Variants in DHRS3 observed in about 807,000 individuals in gnomAD.
DHRS3 encodes short-chain dehydrogenase/reductase 3.
A neutral mutation model predicts 27.2 loss-of-function variants in DHRS3; 14 were observed. The ratio of observed to expected loss-of-function variants is 0.52; its 90% CI spans 0.34 to 0.81. The LOEUF is 0.81. Ranked by LOEUF, DHRS3 falls within the 30% of genes least tolerant of loss-of-function variation. The probability of loss-of-function intolerance (pLI) is 0.01; values close to 1 mark genes in which losing one functional copy is unlikely to be tolerated. For missense variants in DHRS3, 322 were observed against 406.2 expected (o/e 0.79, Z 1.78); for synonymous variants, 165 against 175.9 (o/e 0.94, Z 0.49).
At chr1:12,615,651 A>G (rs1646939642) in intron 1 of DHRS3, among the ~76,000 whole-genome samples, 1 of 152,184 alleles carries the variant, frequency 6.6e-6, no homozygotes, top group Non-Finnish European at 1.5e-5. Flanking sequence ...TGGGATGCAG[A>G]CAGCTAAAGA....
intron 1 of DHRS3, among the ~76,000 whole-genome samples, chr1:12,581,560 C>T (rs577408989): frequency 3.9e-5 from 6 of 152,284 alleles, no homozygotes; most frequent in Non-Finnish European, 5.9e-5. Context: ...GGACTCATTA[C>T]GCCAGAAGGT....
chr1:12,613,060 CAAA>C (rs78142592), intron 1 of DHRS3, among the ~76,000 whole-genome samples: 1 of 121,376 alleles, frequency 8.2e-6, no homozygotes, highest in Non-Finnish European at 1.8e-5. Flanking sequence ...AACTCTGTTT[CAAA>C]AAAAAAAAAA....
chr1:12,575,327 A>C (rs1646576368), intron 4 of DHRS3, among the ~76,000 whole-genome samples: 1 of 149,254 alleles, frequency 6.7e-6, no homozygotes, highest in African/African-American at 2.5e-5. Flanking sequence ...ACTTTGTATC[A>C]AAAGAAAAAA....
In DHRS3 at chr1:12,617,518, A is replaced by C; in HGVS notation, c.-170T>G. 1 of 321,946 alleles carries C rather than the reference A, an allele frequency of 3.1e-6. No individual in the cohort carries two copies. Among genetic ancestry groups the C allele is most frequent in the Non-Finnish European group, 5.3e-6 (1 of 188,298 alleles). 19.9% of individuals were successfully genotyped at this position (321,946 alleles called of 1,614,324 possible). On this transcript the variant is annotated 5_prime_UTR_variant, in exon 1 of 6. Transcript: ENST00000616661. The stretch of plus-strand genomic sequence containing the variant: ...CAAATGCAAAGCACCGGGTGAGAAA[A>C]AGAAAAAAAAAAAAAAAAAAAAGAT...
intron 1 of DHRS3, chr1:12,616,630 C>T (rs1000416375): frequency 3.5e-5 from 35 of 991,374 alleles, no homozygotes; most frequent in South Asian, 4.6e-5. Flanking sequence ...CTACTGCATA[C>T]AAGACCGCTC....
chr1:12,606,405 A>C (rs1209131710), intron 1 of DHRS3, among the ~76,000 whole-genome samples: 1 of 151,784 alleles, frequency 6.6e-6, no homozygotes, highest in Non-Finnish European at 1.5e-5. Flanking sequence ...CAAACTTTCC[A>C]CTTGATGGGC....
chr1:12,583,850 C>T (rs1646669280), intron 1 of DHRS3, among the ~76,000 whole-genome samples: 1 of 151,962 alleles, frequency 6.6e-6, no homozygotes, highest in East Asian at 1.9e-4. Context: ...CACTCACCTA[C>T]TCCACTTCAT....
chr1:12,601,836 G>A (rs1646837862), intron 1 of DHRS3, among the ~76,000 whole-genome samples: 1 of 152,168 alleles, frequency 6.6e-6, no homozygotes, highest in Non-Finnish European at 1.5e-5. Flanking sequence ...CGGTACCCAC[G>A]CTGGAAGGTT....
At position 12,568,367 on chromosome 1, in the gene DHRS3, G is replaced by A. The variant is rs750359426; in HGVS notation, c.882C>T (p.Cys294=). ...ATGTCCGCCCTTTGAAAGTGTTCAT[G>A]CAGGTGTAGGTTCCTGAGAATTTGT... ...EIHKFSGTYT[C]MNTFKGRT The change falls in exon 6 of 6, where the codon TGC becomes TGT. Residue 294 remains cysteine (C), a synonymous_variant. Transcript: ENST00000616661. 1.2e-6 allele frequency: 2 copies of A among 1,613,960 alleles called. No individual in the cohort carries two copies. Among genetic ancestry groups the A allele is most frequent in the Admixed American group, 3.3e-5 (2 of 60,030 alleles).
intron 1 of DHRS3, among the ~76,000 whole-genome samples, chr1:12,605,724 A>G (rs1331175878): frequency 1.3e-5 from 2 of 152,230 alleles, no homozygotes; most frequent in South Asian, 4.1e-4. Flanking sequence ...TATCAGAGCA[A>G]CATAAATTCT....
intron 1 of DHRS3, among the ~76,000 whole-genome samples, chr1:12,585,247 C>CTGTGTGTGTCTATGTGAGTG (rs1557520179): frequency 7.2e-6 from 1 of 139,514 alleles, no homozygotes; most frequent in African/African-American, 2.6e-5. Context: ...GTGTGTGTCT[C>CTGTGTGTGTCTATGTGAGTG]TGTGTCTCTG....
chr1:12,611,770 G>A (rs1557534096), intron 1 of DHRS3, among the ~76,000 whole-genome samples: 1 of 151,978 alleles, frequency 6.6e-6, no homozygotes, highest in Non-Finnish European at 1.5e-5. Context: ...CTGCAACCTG[G>A]AGAAGGTAGT....
intron 1 of DHRS3, among the ~76,000 whole-genome samples, chr1:12,612,544 C>T (rs770308607): frequency 6.6e-6 from 1 of 152,186 alleles, no homozygotes; most frequent in Non-Finnish European, 1.5e-5. Context: ...CAGTCGAATG[C>T]TCCTTCCTTC....
At chr1:12,614,895 T>C (rs1002998961) in intron 1 of DHRS3, among the ~76,000 whole-genome samples, 1 of 152,090 alleles carries the variant, frequency 6.6e-6, no homozygotes, top group Admixed American at 6.6e-5. Context: ...CCCTGTCTAG[T>C]ATCACTGCAG....
chr1:12,583,631 A>ATCCATCCC (rs1557518904), intron 1 of DHRS3, among the ~76,000 whole-genome samples: 1 of 101,108 alleles, frequency 9.9e-6, no homozygotes, highest in Non-Finnish European at 2.1e-5. Flanking sequence ...CCATCCATCC[A>ATCCATCCC]TCCCTCCCTC....
chr1:12,599,807 C>G (rs1416408783), intron 1 of DHRS3, among the ~76,000 whole-genome samples: 1 of 152,212 alleles, frequency 6.6e-6, no homozygotes, highest in Non-Finnish European at 1.5e-5. Context: ...TGCCTGGATT[C>G]GAATCCCATG....
intron 1 of DHRS3, chr1:12,616,839 G>A (rs1324372134): frequency 1.2e-6 from 1 of 851,838 alleles, no homozygotes; most frequent in African/African-American, 1.8e-5. Flanking sequence ...GGGGGAGGGG[G>A]GCACAACACC....
chr1:12,602,201 G>A (rs1053233011), intron 1 of DHRS3, among the ~76,000 whole-genome samples: 2 of 152,212 alleles, frequency 1.3e-5, no homozygotes, highest in African/African-American at 2.4e-5. Context: ...GGGGAAGTTG[G>A]ATGGTTGTGG....
At chr1:12,568,971 C>G (rs555822928) in intron 5 of DHRS3, among the ~76,000 whole-genome samples, 6 of 152,082 alleles carry the variant, frequency 3.9e-5, no homozygotes, top group Middle Eastern at 3.2e-3. Context: ...GCCTGTAATC[C>G]CAGCACTTTG....
Sources: allele counts gnomAD v4.1 joint callset (sites outside exome capture counted in the v4.1 genomes callset), GRCh38; gene constraint gnomAD v4.1.1; transcripts MANE v1.5; gene names NCBI Gene and HGNC (gene_info 2026-07-23, HGNC 2026-07-21).